The following CUL4B variants were observed in gnomAD, a reference collection of about 807,000 sequenced individuals.
CUL4B encodes the protein cullin 4B, also known as cullin-4B.
Under a neutral mutation model 69.2 loss-of-function variants are expected in CUL4B, and 1 was observed. That is an observed-to-expected ratio of 0.01 (90% CI 0.01 to 0.07). CUL4B has a LOEUF of 0.07. Ranked by LOEUF, CUL4B falls within the 10% of genes least tolerant of loss-of-function variation. CUL4B has a pLI of 1.00. For missense variants in CUL4B, 328 were observed against 638.8 expected, an observed-to-expected ratio of 0.51 and a Z score of 5.24; for synonymous variants, 237 against 223.2, an observed-to-expected ratio of 1.06 and a Z score of -0.55.
At position 120,546,678 on chromosome X, in the gene CUL4B, G is replaced by C. The variant is rs184415297; in HGVS notation, c.777-62C>G. 6.3e-5 allele frequency: 51 copies of C among 812,237 alleles called. No individual in the cohort carries two copies. In the African/African-American group the frequency reaches 8.3e-4, roughly 13 times the overall value. 66.9% of individuals were successfully genotyped at this position (812,237 alleles called of 1,213,427 possible). A position where few individuals can be genotyped will look rare whatever the true frequency, so the allele number is the denominator to read the frequency against. On this transcript the variant is annotated intron_variant, in intron 3 of 19. Coordinates refer to ENST00000371322, the MANE Select transcript of CUL4B (RefSeq NM_001079872.2). ...TACAAGTCATATGTGCCATGTGACA[G>C]AGAGCATATTAGTCTTAAACATGAA... is the stretch of plus-strand genomic sequence containing the variant.
intron 19 of CUL4B, 98 bp downstream of exon 19, chrX:120,530,004 G>T: frequency 1.1e-6 from 1 of 887,791 alleles, no homozygotes; most frequent in Non-Finnish European, 1.6e-6. Flanking sequence ...CTCTCTAAAT[G>T]GTCATGACGC....
intron 15 of CUL4B, among the ~76,000 whole-genome samples, chrX:120,536,639 T>A (rs892452178): frequency 1.8e-5 from 2 of 112,050 alleles, no homozygotes; most frequent in African/African-American, 6.5e-5. Flanking sequence ...GACTTCTAAG[T>A]ACAAAAGTAA....
At chrX:120,563,186 A>G (rs5957412), upstream of CUL4B, among the ~76,000 whole-genome samples, 4,655 of 111,685 alleles carry the variant, frequency 0.042, 255 homozygotes, top group African/African-American at 0.14. Flanking sequence ...CTGAAAGGAG[A>G]CAGATGGAAG....
chrX:120,549,036 T>C (rs1924513835), intron 2 of CUL4B, among the ~76,000 whole-genome samples: 1 of 111,705 alleles, frequency 9.0e-6, no homozygotes, highest in African/African-American at 3.3e-5. Flanking sequence ...ACAACAGGCA[T>C]GCTAAAACTC....
At chrX:120,567,273 A>G (rs146563437), downstream of CUL4B, among the ~76,000 whole-genome samples, 929 of 108,736 alleles carry the variant, frequency 8.5e-3, 8 homozygotes, top group African/African-American at 0.03. Flanking sequence ...ACAGGTGTGC[A>G]CCACCATGCC....
At chrX:120,567,118 ATTTTTTTTTTTT>A, downstream of CUL4B, among the ~76,000 whole-genome samples, 1 of 55,297 alleles carries the variant, frequency 1.8e-5, no homozygotes, top group South Asian at 1.2e-3. Context: ...GCCAATTTAG[ATTTTTTTTTTTT>A]TTTTTTTTTT....
downstream of CUL4B, among the ~76,000 whole-genome samples, chrX:120,567,106 A>G (rs1259248094): frequency 9.9e-6 from 1 of 101,328 alleles, no homozygotes; most frequent in African/African-American, 3.6e-5. Flanking sequence ...CTCACAGACA[A>G]GGCCAATTTA....
chrX:120,527,698 C>T (rs1359536441), intron 19 of CUL4B, among the ~76,000 whole-genome samples: 1 of 112,055 alleles, frequency 8.9e-6, no homozygotes, highest in Non-Finnish European at 1.9e-5. Flanking sequence ...GTGCATGAAA[C>T]AAAGTTTTGA....
chrX:120,571,512 C>T (rs189433189), exon 3 of CUL4B: 3 of 111,183 alleles, frequency 2.7e-5, no homozygotes, highest in African/African-American at 9.8e-5. Context: ...TCTCTATGGT[C>T]CACAATATGG....
intron 2 of CUL4B, among the ~76,000 whole-genome samples, chrX:120,552,255 C>A (rs989429708): frequency 1.6e-5 from 1 of 63,351 alleles, no homozygotes; most frequent in Non-Finnish European, 5.0e-5. Context: ...TCAACCGATT[C>A]TCATGCCTTA....
intron 9 of CUL4B, among the ~76,000 whole-genome samples, chrX:120,542,720 C>A (rs1186254225): frequency 8.1e-5 from 9 of 111,733 alleles, no homozygotes; most frequent in Non-Finnish European, 3.8e-5. Context: ...GCTGATACTA[C>A]AGGCACATAT....
chrX:120,569,361 CTTTT>C (rs1172319824), downstream of CUL4B, among the ~76,000 whole-genome samples: 2 of 96,195 alleles, frequency 2.1e-5, no homozygotes. Flanking sequence ...AGGGAAGTTT[CTTTT>C]TTTTTTTTTT....
downstream of CUL4B, among the ~76,000 whole-genome samples, chrX:120,570,122 G>A (rs944318016): frequency 8.9e-5 from 10 of 111,898 alleles, no homozygotes; most frequent in Non-Finnish European, 1.5e-4. Flanking sequence ...ACTTGCTGTT[G>A]GAGCTGTGGC....
Position 120,557,911 on chromosome X carries a change from T to C in CUL4B, c.672+13A>G, listed in dbSNP as rs372394678. ...TATGTTAATCAAATCTGGTTATGCA[T>C]ATTAATACATACCTGGTAGAGTTCT... On this transcript the variant is annotated intron_variant, in intron 2 of 19. Coordinates refer to ENST00000371322, the MANE Select transcript of CUL4B (RefSeq NM_001079872.2). The C allele has an allele frequency of 5.0e-5, 53 of 1,059,767 alleles. No individual in the cohort carries two copies. Among genetic ancestry groups the C allele is most frequent in the Non-Finnish European group, 6.2e-5 (47 of 761,265 alleles). 87.3% of individuals were successfully genotyped at this position (1,059,767 alleles called of 1,213,427 possible).
exon 2 of CUL4B, chrX:120,574,601 G>C (rs1925814677): frequency 1.7e-6 from 2 of 1,206,492 alleles, no homozygotes; most frequent in Non-Finnish European, 2.2e-6. Flanking sequence ...TCCTGATCCA[G>C]ATGACTGTGA....
At chrX:120,556,822 T>C (rs1390510090) in intron 2 of CUL4B, among the ~76,000 whole-genome samples, 1 of 111,189 alleles carries the variant, frequency 9.0e-6, no homozygotes. Flanking sequence ...AACTAAAATA[T>C]ACAAATACTG....
rs1243051518 is a variant in CUL4B at position 120,544,524 on chromosome X, C to G, written c.1040G>C (p.Arg347Thr). The change falls in exon 6 of 20, where the codon AGA (arginine) becomes ACA (threonine). Residue 347 changes from arginine to threonine, a missense_variant. Physicochemically the swap from Arg to Thr is moderately conservative, Grantham distance 71 (BLOSUM62 -1). Coordinates refer to ENST00000371322, the MANE Select transcript of CUL4B (RefSeq NM_001079872.2). ...ERERNGEAIDRSLLRSLLSML... is the reference protein window; with the variant it reads ...ERERNGEAIDTSLLRSLLSML... ...GCTTAAAAGGCTTCGAAGTAAACTT[C>G]TATCAATTGCTTCACCATTCCTTTC... 4 of 1,211,152 alleles carry G rather than the reference C, an allele frequency of 3.3e-6. No individual in the cohort carries two copies. Among genetic ancestry groups the G allele is most frequent in the Non-Finnish European group, 3.4e-6 (3 of 894,970 alleles).
At chrX:120,558,753 T>G (rs954268035) in intron 1 of CUL4B, among the ~76,000 whole-genome samples, 27 of 111,490 alleles carry the variant, frequency 2.4e-4, no homozygotes, top group African/African-American at 7.5e-4. Flanking sequence ...TAGCAATGAG[T>G]GTGGGGAAAA....
chrX:120,560,069 T>G lies in CUL4B; in HGVS notation c.556+14A>C. 1 of 1,211,646 alleles carries G rather than the reference T, an allele frequency of 8.3e-7. No individual in the cohort carries two copies. Among genetic ancestry groups the G allele is most frequent in the Non-Finnish European group, 1.1e-6 (1 of 895,250 alleles). ...AATCCTTATTAGGTGATTATGGATTTTGGCCTTGGTTACCTTTAAAGTTCT... is the reference window on the plus strand; with the variant it reads ...AATCCTTATTAGGTGATTATGGATTGTGGCCTTGGTTACCTTTAAAGTTCT... On this transcript the variant is annotated intron_variant, in intron 1 of 19. Transcript: ENST00000371322.
Sources: allele counts gnomAD v4.1 joint callset (sites outside exome capture counted in the v4.1 genomes callset), GRCh38; gene constraint gnomAD v4.1.1; transcripts MANE v1.5; gene names NCBI Gene and HGNC (gene_info 2026-07-23, HGNC 2026-07-21).